SLC2A9: variants seen among roughly 807,000 people sequenced by gnomAD.
The protein encoded by SLC2A9 is solute carrier family 2 member 9, also known as solute carrier family 2, facilitated glucose transporter member 9.
A neutral mutation model predicts 50.6 loss-of-function variants in SLC2A9; 39 were observed. The ratio of observed to expected loss-of-function variants is 0.77; its 90% CI spans 0.60 to 1.01. The LOEUF is 1.01. Ranked by LOEUF, SLC2A9 falls within the 50% of genes least tolerant of loss-of-function variation. The probability of loss-of-function intolerance (pLI) is 0.00; values close to 1 mark genes in which losing one functional copy is unlikely to be tolerated. For missense variants in SLC2A9, 686 were observed against 677.6 expected (o/e 1.01, Z -0.14); for synonymous variants, 324 against 276.9 (o/e 1.17, Z -1.69).
chr4:9,825,509 C>G (rs1446151808), downstream of SLC2A9, among the ~76,000 whole-genome samples: 1 of 139,446 alleles, frequency 7.2e-6, no homozygotes, highest in African/African-American at 2.7e-5. Flanking sequence ...ACACTTGTGG[C>G]AGAGATCACC....
At chr4:9,973,925 AC>A (rs1476114508) in intron 5 of SLC2A9, among the ~76,000 whole-genome samples, 1 of 152,090 alleles carries the variant, frequency 6.6e-6, no homozygotes, top group Non-Finnish European at 1.5e-5. Flanking sequence ...AAAATCCTTT[AC>A]AAATTACCAG....
chr4:9,771,158 G>C, exon 2 of SLC2A9: 1 of 227,038 alleles, frequency 4.4e-6, no homozygotes, highest in Non-Finnish European at 8.6e-6. Flanking sequence ...CATGGGAAAT[G>C]GAGCAACATT....
chr4:9,796,338 T>C (rs1218056552), downstream of SLC2A9, among the ~76,000 whole-genome samples: 1 of 152,200 alleles, frequency 6.6e-6, no homozygotes, highest in Non-Finnish European at 1.5e-5. Context: ...GCCCTATCTT[T>C]CTCCAGCAGT....
At chr4:10,012,818 G>A (rs1268099741) in intron 2 of SLC2A9, among the ~76,000 whole-genome samples, 3 of 151,954 alleles carry the variant, frequency 2.0e-5, no homozygotes, top group East Asian at 1.9e-4. Context: ...AGTGAGGGGG[G>A]AAATGATGAT....
intron 6 of SLC2A9, among the ~76,000 whole-genome samples, chr4:9,931,050 G>A (rs750597221): frequency 5.9e-5 from 9 of 152,142 alleles, no homozygotes; most frequent in Non-Finnish European, 8.8e-5. Flanking sequence ...GGCTGCCCTT[G>A]GAGAGAGAGG....
At chr4:9,779,416 C>CTT (rs926013681), downstream of SLC2A9, among the ~76,000 whole-genome samples, 11 of 138,676 alleles carry the variant, frequency 7.9e-5, no homozygotes, top group African/African-American at 1.6e-4. Flanking sequence ...AGACTTTAAA[C>CTT]TTTTTTTTTT....
chr4:9,913,008 G>C (rs967997182), intron 7 of SLC2A9, among the ~76,000 whole-genome samples: 1 of 152,190 alleles, frequency 6.6e-6, no homozygotes, highest in African/African-American at 2.4e-5. Context: ...ATGCAGAAAG[G>C]GGCCACAAGC....
chr4:9,909,132 G>GT (rs1741236696), intron 7 of SLC2A9, among the ~76,000 whole-genome samples: 1 of 152,184 alleles, frequency 6.6e-6, no homozygotes, highest in African/African-American at 2.4e-5. Context: ...CCAGAGTTGG[G>GT]TAATGCACAA....
chr4:9,790,357 C>A (rs1169574670), intron 3 of SLC2A9, among the ~76,000 whole-genome samples: 1 of 152,218 alleles, frequency 6.6e-6, no homozygotes, highest in Non-Finnish European at 1.5e-5. Flanking sequence ...CAGTTGTCTA[C>A]ATGAGTGAGA....
Position 9,804,158 on chromosome 4 carries a change from A to T in SLC2A9, n.421-4917T>A, listed in dbSNP as rs569972929. Among the ~76,000 whole-genome samples, 9 of 152,342 alleles carry T rather than the reference A, an allele frequency of 5.9e-5. No homozygotes were observed. In the East Asian group the frequency reaches 1.7e-3, roughly 29 times the overall value. On this transcript the variant is annotated intron_variant and non_coding_transcript_variant, in intron 3 of 3. Coordinates refer to the SLC2A9 transcript ENST00000503280. ...TTTTAAATCACTAGAAACTCTGTGTATGAGGAGAAGAAAATAGCTCTACCT... is the reference window on the plus strand; with the variant it reads ...TTTTAAATCACTAGAAACTCTGTGTTTGAGGAGAAGAAAATAGCTCTACCT...
intron 10 of SLC2A9, among the ~76,000 whole-genome samples, chr4:9,866,759 C>G (rs1466636478): frequency 6.6e-6 from 1 of 152,152 alleles, no homozygotes; most frequent in Admixed American, 6.5e-5. Context: ...GCATCTAACT[C>G]GCTTCATGTA....
intron 1 of SLC2A9, chr4:10,035,999 C>T (rs895858224): frequency 3.1e-5 from 6 of 192,932 alleles, no homozygotes; most frequent in East Asian, 1.6e-4. Flanking sequence ...TGGACTGAGC[C>T]GTGCTGCCAG....
chr4:9,879,677 T>G, intron 10 of SLC2A9: 1 of 985,400 alleles, frequency 1.0e-6, no homozygotes, highest in Non-Finnish European at 1.2e-6. Context: ...TCCATCTTGT[T>G]TGCATCTGTC....
intron 11 of SLC2A9, 32 bp from the exon 12 acceptor site, chr4:9,826,632 T>C (rs745683515): frequency 1.3e-5 from 20 of 1,596,502 alleles, no homozygotes; most frequent in Admixed American, 1.2e-4. Context: ...AACCCTCAAA[T>C]AGATAATCAG....
At chr4:9,975,678 A>G (rs1045598424) in intron 5 of SLC2A9, among the ~76,000 whole-genome samples, 13 of 152,310 alleles carry the variant, frequency 8.5e-5, no homozygotes, top group African/African-American at 2.9e-4. Context: ...TTCAGCCACT[A>G]TGGAAAGCAG....
intron 7 of SLC2A9, 73 bp downstream of exon 7, chr4:9,920,312 C>A: frequency 6.4e-7 from 1 of 1,554,702 alleles, no homozygotes; most frequent in Non-Finnish European, 8.8e-7. Context: ...GCGTCTGGGG[C>A]CCAAGCCCTG....
At chr4:9,794,751 T>G (rs1017540866), downstream of SLC2A9, among the ~76,000 whole-genome samples, 1 of 152,224 alleles carries the variant, frequency 6.6e-6, no homozygotes, top group Non-Finnish European at 1.5e-5. Context: ...CATCATGGTC[T>G]CTGCTTCTGA....
At chr4:9,793,322 G>A (rs1489073147) in intron 3 of SLC2A9, among the ~76,000 whole-genome samples, 1 of 152,162 alleles carries the variant, frequency 6.6e-6, no homozygotes, top group East Asian at 1.9e-4. Flanking sequence ...CAGCAAAGTG[G>A]TATGAACTGA....
intron 11 of SLC2A9, among the ~76,000 whole-genome samples, chr4:9,831,077 T>C (rs1352185451): frequency 6.6e-6 from 1 of 152,158 alleles, no homozygotes; most frequent in African/African-American, 2.4e-5. Context: ...AGACATTTTA[T>C]TCTGAGGAAG....
Sources: allele counts gnomAD v4.1 joint callset (sites outside exome capture counted in the v4.1 genomes callset), GRCh38; gene constraint gnomAD v4.1.1; transcripts MANE v1.5; gene names NCBI Gene and HGNC (gene_info 2026-07-23, HGNC 2026-07-21).